Variants in SLC1A2 observed in about 807,000 individuals in gnomAD.
SLC1A2 encodes the protein excitatory amino acid transporter 2.
In SLC1A2, 15 loss-of-function variants were observed where a neutral mutation model predicts 48.8. The observed-to-expected ratio is 0.31, with a 90% CI of 0.21 to 0.47. SLC1A2 has a LOEUF of 0.47. Among genes scored for constraint, SLC1A2 ranks in the 20% least tolerant of loss-of-function variants. SLC1A2 has a pLI of 0.99. For missense variants in SLC1A2, 502 were observed against 730.5 expected (o/e 0.69, Z 3.61); for synonymous variants, 279 against 272.6 (o/e 1.02, Z -0.23).
intron 1 of SLC1A2, among the ~76,000 whole-genome samples, chr11:35,350,243 T>C (rs990908739): frequency 1.3e-5 from 2 of 152,224 alleles, no homozygotes; most frequent in Non-Finnish European, 2.9e-5. Context: ...CTTCTGCCTT[T>C]AATTTTCTTT....
chr11:35,410,353 T>A (rs1165676802), intron 1 of SLC1A2, among the ~76,000 whole-genome samples: 4 of 152,240 alleles, frequency 2.6e-5, no homozygotes. Context: ...ATAGTCACCA[T>A]GCTGAACAAT....
chr11:35,301,821 T>C (rs952323408), intron 5 of SLC1A2, among the ~76,000 whole-genome samples, 176 bp from the exon 6 acceptor site: 1 of 152,246 alleles, frequency 6.6e-6, no homozygotes, highest in Non-Finnish European at 1.5e-5. Flanking sequence ...TTCCCCTGGA[T>C]AATTTTGGAT....
rs1244577596 is a variant in SLC1A2 at position 35,419,234 on chromosome 11, G to C, written c.-268C>G. 2.7e-5 allele frequency: 11 copies of C among 414,504 alleles called. No individual in the cohort carries two copies. In the East Asian group the frequency reaches 4.0e-4, roughly 15 times the overall value. The allele number at this position is 414,504 out of a possible 1,614,324, so 25.7% of individuals were successfully genotyped here. A position where few individuals can be genotyped will look rare whatever the true frequency, so the allele number is the denominator to read the frequency against. ...GGGATGGCGCTTGGCGGGGAGCTCC[G>C]GGGGCTCCGAGGGTGGCTTCCCCGA... On this transcript the variant is annotated 5_prime_UTR_variant, in exon 1 of 11. Coordinates refer to ENST00000278379, the MANE Select transcript of SLC1A2 (RefSeq NM_004171.4). This position sits in a 1 kb window ranked among gnomAD's most constrained non-coding sequence, Gnocchi z 5.4.
chr11:35,326,712 G>A (rs115760061), intron 1 of SLC1A2, among the ~76,000 whole-genome samples: 2,078 of 152,246 alleles, frequency 0.014, 53 homozygotes, highest in African/African-American at 0.047. Flanking sequence ...CATTCAAAAC[G>A]CCACACAATT....
intron 7 of SLC1A2, chr11:35,292,007 C>A: frequency 2.6e-6 from 1 of 378,550 alleles, no homozygotes; most frequent in Non-Finnish European, 4.8e-6. Flanking sequence ...ATTTAAGTGG[C>A]AAATTAGGCA....
chr11:35,283,454 AG>A (rs1240257013), intron 8 of SLC1A2, among the ~76,000 whole-genome samples: 3 of 152,172 alleles, frequency 2.0e-5, no homozygotes, highest in Non-Finnish European at 4.4e-5. Context: ...GAACCCACCC[AG>A]GGGCCAGAGA....
At chr11:35,316,521 A>G (rs557067264) in intron 2 of SLC1A2, 2 of 152,374 alleles carry the variant, frequency 1.3e-5, no homozygotes, top group Non-Finnish European at 2.9e-5. Context: ...GCGAGCTCCC[A>G]GTCCTGATCC....
intron 7 of SLC1A2, 131 bp from the exon 8 acceptor site, chr11:35,287,082 A>C (rs1275859494): frequency 1.4e-6 from 1 of 720,884 alleles, no homozygotes; most frequent in African/African-American, 1.8e-5. Context: ...GACATGCAAA[A>C]AAGCAGTATC....
At chr11:35,325,148 T>C (rs1852198655) in intron 1 of SLC1A2, among the ~76,000 whole-genome samples, 1 of 152,240 alleles carries the variant, frequency 6.6e-6, no homozygotes, top group South Asian at 2.1e-4. Context: ...CCGGGGCAAC[T>C]TGGCCCCTTT....
intron 1 of SLC1A2, among the ~76,000 whole-genome samples, chr11:35,362,168 A>C (rs1853704956): frequency 1.3e-5 from 2 of 152,186 alleles, no homozygotes; most frequent in Non-Finnish European, 2.9e-5. Flanking sequence ...GCAGATGCCC[A>C]AGATGTTTTG....
Position 35,265,614 on chromosome 11 carries a change from A to C in SLC1A2, c.1566T>G (p.Ile522Met). Residue 522 changes from isoleucine (I) to methionine (M), a missense_variant, in exon 10 of 11, where the codon ATT (isoleucine) becomes ATG (methionine). By Grantham distance (10) the Ile-to-Met change is conservative (BLOSUM62 1). Around this residue, in one of 4 missense-constraint regions of SLC1A2, gnomAD observed 102 missense variants for 107.2 expected, o/e 0.95. Transcript: ENST00000278379. Reference protein sequence around the residue: ...EDIEMTKTQSIYDDMKNHRES... With the variant: ...EDIEMTKTQSMYDDMKNHRES... ...CCCTGTGGTTCTTCATGTCATCATA[A>C]ATGGATTGAGTCTTGGTCATTTCAA... 1 of 1,612,978 alleles carries C rather than the reference A, an allele frequency of 6.2e-7. No individual in the cohort carries two copies.
chr11:35,292,063 C>T (rs1565218796), intron 7 of SLC1A2: 1 of 510,276 alleles, frequency 2.0e-6, no homozygotes, highest in African/African-American at 1.9e-5. Flanking sequence ...AATGTGAGAT[C>T]GTATTTCCAA....
intron 1 of SLC1A2, among the ~76,000 whole-genome samples, chr11:35,396,717 A>G (rs1041433094): frequency 3.3e-5 from 5 of 152,106 alleles, no homozygotes; most frequent in Non-Finnish European, 7.3e-5. Flanking sequence ...TTTTGTTGCC[A>G]TTGCTTTTGG....
rs535533902 is a variant in SLC1A2, at chr11:35,311,572, C to T, written c.561+626G>A. 3.9e-5 allele frequency among the ~76,000 whole-genome samples: 6 copies of T among 152,284 alleles called. No individual in the cohort carries two copies. The South Asian group carries it at 1.2e-3, about 32-fold the overall frequency. On this transcript the variant is annotated intron_variant, in intron 4 of 10. Transcript: ENST00000278379. ...AGCTCTAGAGAAGGGGAAGCAGAAG[C>T]TTCTAACTTTTACTTTGTGTACTTC...
chr11:35,400,575 T>C lies in SLC1A2; in HGVS notation c.17+18375A>G, dbSNP rs539534542. Among the ~76,000 whole-genome samples the C allele has an allele frequency of 3.3e-5, 5 of 152,310 alleles. No homozygotes were observed. The East Asian group carries it at 7.7e-4, about 24-fold the overall frequency. On this transcript the variant is annotated intron_variant, in intron 1 of 10. Transcript: ENST00000278379. ...TAGATTTCATCTATGATGAATAAAT[T>C]CGTTATGGATAAACTCTCCATCCTT...
At chr11:35,358,827 A>G (rs543751363) in intron 1 of SLC1A2, among the ~76,000 whole-genome samples, 4 of 152,328 alleles carry the variant, frequency 2.6e-5, no homozygotes, top group Non-Finnish European at 5.9e-5. Flanking sequence ...AAAAAGAAAG[A>G]GTAATTTGAA....
intron 1 of SLC1A2, among the ~76,000 whole-genome samples, chr11:35,375,520 G>A (rs569021814): frequency 7.2e-5 from 11 of 152,356 alleles, no homozygotes; most frequent in Middle Eastern, 6.8e-3. Context: ...GTGGGTGGCT[G>A]GTGAGCTGAG....
At chr11:35,399,383 T>C (rs1855069554) in intron 1 of SLC1A2, among the ~76,000 whole-genome samples, 1 of 152,204 alleles carries the variant, frequency 6.6e-6, no homozygotes, top group Admixed American at 6.5e-5. Flanking sequence ...AATGAAGCCA[T>C]TTTGTATGAT....
intron 1 of SLC1A2, among the ~76,000 whole-genome samples, chr11:35,334,249 AG>A (rs775460172): frequency 8.5e-5 from 13 of 152,304 alleles, no homozygotes; most frequent in Non-Finnish European, 1.6e-4. Context: ...GAGTGTTAAG[AG>A]GAAAGCAAAC....
Sources: gnomAD v4.1 joint callset for allele counts (sites outside exome capture counted in the v4.1 genomes callset) on GRCh38, gnomAD v4.1.1 for gene constraint, gnomAD v4.1.1 regional missense constraint, Gnocchi (gnomAD v3.1) non-coding constraint, MANE v1.5 for transcripts, NCBI Gene and HGNC (gene_info 2026-07-23, HGNC 2026-07-21) for gene names.